CD55: variants seen among roughly 807,000 people sequenced by gnomAD.
The protein encoded by CD55 is complement decay-accelerating factor.
In CD55, 41 loss-of-function variants were observed where a neutral mutation model predicts 45.8. The ratio of observed to expected loss-of-function variants is 0.90; its 90% confidence interval spans 0.70 to 1.16. The LOEUF (loss-of-function observed/expected upper bound fraction) is 1.16. Ranked by LOEUF, CD55 falls within the 50% of genes most tolerant of loss-of-function variation. The probability of loss-of-function intolerance (pLI) is 0.00; values close to 1 mark genes in which losing one functional copy is unlikely to be tolerated. For synonymous variants in CD55, 181 were observed against 181.1 expected (o/e 1.00, Z 0.01); for missense variants, 416 against 469.8 (o/e 0.89, Z 1.06).
At chr1:207,329,217 TA>T (rs1170994707) in intron 5 of CD55, among the ~76,000 whole-genome samples, 2 of 152,196 alleles carry the variant, frequency 1.3e-5, no homozygotes, top group African/African-American at 4.8e-5. Context: ...TGTCATTGAG[TA>T]TATGCTATCA....
intron 6 of CD55, among the ~76,000 whole-genome samples, chr1:207,335,889 A>G (rs551748567): frequency 1.3e-5 from 2 of 152,224 alleles, no homozygotes; most frequent in African/African-American, 4.8e-5. Context: ...TAATTACTCA[A>G]TCTGTTCTGC....
chr1:207,359,505 T>A (rs771732309), intron 9 of CD55, 41 bp from the exon 10 acceptor site: 1 of 1,483,658 alleles, frequency 6.7e-7, no homozygotes, highest in Admixed American at 2.2e-5. Context: ...ATAAAATCAT[T>A]TTGATTTTAA....
chr1:207,354,202 G>T, intron 9 of CD55: 1 of 1,295,766 alleles, frequency 7.7e-7, no homozygotes, highest in Non-Finnish European at 9.8e-7. Context: ...ATGAATATCA[G>T]GTATTTTATT....
At position 207,321,699 on chromosome 1, in the gene CD55, G is replaced by C; in HGVS notation, c.-67G>C. On this transcript the variant is annotated 5_prime_UTR_variant, in exon 1 of 10. Transcript: ENST00000367064. ...GCTTCTGCTTACTGCAACTCGCTCCGGCCGCTGGGCGTAGCTGCGACTCGG... is the reference window on the plus strand; with the variant it reads ...GCTTCTGCTTACTGCAACTCGCTCCCGCCGCTGGGCGTAGCTGCGACTCGG... 2 of 1,224,192 alleles carry C rather than the reference G, an allele frequency of 1.6e-6. No individual in the cohort carries two copies. Among genetic ancestry groups the C allele is most frequent in the Non-Finnish European group, 2.2e-6 (2 of 905,720 alleles). 75.8% of individuals were successfully genotyped at this position (1,224,192 alleles called of 1,614,324 possible).
chr1:207,323,053 G>T (rs1654497597), intron 2 of CD55, among the ~76,000 whole-genome samples: 1 of 151,970 alleles, frequency 6.6e-6, no homozygotes, highest in South Asian at 2.1e-4. Flanking sequence ...ATCAATCAGG[G>T]TAATTGGATA....
chr1:207,347,727 C>T (rs528993502), intron 9 of CD55, among the ~76,000 whole-genome samples: 1 of 152,290 alleles, frequency 6.6e-6, no homozygotes, highest in Admixed American at 6.5e-5. Flanking sequence ...TTCTCACCCT[C>T]CTCCCACCTT....
chr1:207,333,488 T>G (rs544380149), intron 6 of CD55, among the ~76,000 whole-genome samples: 118 of 152,326 alleles, frequency 7.7e-4, no homozygotes, highest in African/African-American at 2.7e-3. Context: ...GAAAGGCATA[T>G]CATATCATCC....
chr1:207,343,433 A>G (rs1224394023), intron 9 of CD55, among the ~76,000 whole-genome samples: 2 of 152,050 alleles, frequency 1.3e-5, no homozygotes, highest in African/African-American at 2.4e-5. Context: ...CCCTTGACCT[A>G]ATGGTCATTC....
At chr1:207,321,902 C>T (rs1654423346) in intron 1 of CD55, 37 bp downstream of exon 1, 4 of 1,429,734 alleles carry the variant, frequency 2.8e-6, no homozygotes, top group Non-Finnish European at 1.9e-6. Context: ...AGCCCCTGGG[C>T]TGGGTGGGAG....
In CD55 at chr1:207,340,587, G is replaced by A. The variant is rs1215871328; in HGVS notation, c.1081+1170G>A. 4.3e-6 allele frequency: 3 copies of A among 692,420 alleles called. No homozygotes were observed. The African/African-American group carries it at 5.3e-5, about 12-fold the overall frequency. 42.9% of individuals were successfully genotyped at this position (692,420 alleles called of 1,614,324 possible). ...GGATTTTCCTATGTTGCCCAGGCTG[G>A]TTTCAAACTCCTGGCCGTAAGCGAT... On this transcript the variant is annotated intron_variant, in intron 9 of 9. Transcript: ENST00000367064.
intron 9 of CD55, among the ~76,000 whole-genome samples, chr1:207,342,319 T>C (rs922463554): frequency 2.6e-5 from 4 of 152,146 alleles, no homozygotes; most frequent in African/African-American, 4.8e-5. Context: ...AAATGGAAAC[T>C]AGGGCTTACA....
intron 6 of CD55, among the ~76,000 whole-genome samples, chr1:207,332,167 A>G (rs1344335498): frequency 6.6e-6 from 1 of 152,082 alleles, no homozygotes; most frequent in East Asian, 1.9e-4. Context: ...AATTTTTTAC[A>G]AATTCTTTTG....
chr1:207,339,026 C>T (rs1048528989), intron 8 of CD55, among the ~76,000 whole-genome samples: 3 of 151,974 alleles, frequency 2.0e-5, no homozygotes, highest in African/African-American at 7.2e-5. Context: ...GGGACTTAGT[C>T]GTCTTATAGT....
chr1:207,331,071 T>G, intron 5 of CD55, 37 bp from the exon 6 acceptor site: 1 of 1,417,122 alleles, frequency 7.1e-7, no homozygotes, highest in South Asian at 1.3e-5. Flanking sequence ...CTTTACTAGT[T>G]TTATTTATTT....
In CD55 at chr1:207,336,742, A is replaced by G; in HGVS notation, c.903A>G (p.Thr301=). The change falls in exon 7 of 10, where the codon ACA becomes ACG. Residue 301 remains threonine, a synonymous_variant. Transcript: ENST00000367064. ...CACCAACAGTTCAGAAACCTACCAC[A>G]GTAAATGTTCCAACTACAGAAGTCT... ...KVPPTVQKPT[T]VNVPTTEVSP... is the part of the protein sequence containing the mutation. 6.2e-7 allele frequency: 1 copy of G among 1,613,952 alleles called. No individual in the cohort carries two copies. Among genetic ancestry groups the G allele is most frequent in the Non-Finnish European group, 8.5e-7 (1 of 1,179,846 alleles).
At chr1:207,339,851 G>A (rs1298073126) in intron 9 of CD55, among the ~76,000 whole-genome samples, 1 of 152,084 alleles carries the variant, frequency 6.6e-6, no homozygotes, top group African/African-American at 2.4e-5. Flanking sequence ...GATACATAAT[G>A]TTTTATATAT....
At chr1:207,342,671 G>C (rs1335348393) in intron 9 of CD55, among the ~76,000 whole-genome samples, 1 of 152,044 alleles carries the variant, frequency 6.6e-6, no homozygotes, top group African/African-American at 2.4e-5. Flanking sequence ...TTCTTGTTGT[G>C]TTCTTGTCTG....
At chr1:207,349,217 C>G (rs1327817317) in intron 9 of CD55, among the ~76,000 whole-genome samples, 2 of 146,848 alleles carry the variant, frequency 1.4e-5, no homozygotes, top group African/African-American at 5.1e-5. Context: ...GAGTCTCACT[C>G]TGTCACTCAG....
At chr1:207,347,549 C>T (rs1051352306) in intron 9 of CD55, 16 of 231,108 alleles carry the variant, frequency 6.9e-5, no homozygotes, top group East Asian at 2.3e-4. Context: ...CGTGAGCCAC[C>T]GCACCTGGCC....
Sources: allele counts gnomAD v4.1 joint callset (sites outside exome capture counted in the v4.1 genomes callset), GRCh38; gene constraint gnomAD v4.1.1; transcripts MANE v1.5; gene names NCBI Gene and HGNC (gene_info 2026-07-23, HGNC 2026-07-21).